DPY19L1: variants seen among roughly 807,000 people sequenced by gnomAD.
The protein encoded by DPY19L1 is protein C-mannosyl-transferase DPY19L1.
A neutral mutation model predicts 96.9 loss-of-function variants in DPY19L1; 35 were observed. That is an observed-to-expected ratio of 0.36 (90% CI 0.28 to 0.48). The LOEUF (loss-of-function observed/expected upper bound fraction) is 0.48. Ranked by LOEUF, DPY19L1 falls within the 20% of genes least tolerant of loss-of-function variation. The pLI is 0.99. For missense variants in DPY19L1, 521 were observed against 777.9 expected (o/e 0.67, Z 3.93); for synonymous variants, 205 against 252.6 (o/e 0.81, Z 1.79).
At chr7:34,991,482 G>A (rs1052577024) in intron 6 of DPY19L1, among the ~76,000 whole-genome samples, 1 of 152,134 alleles carries the variant, frequency 6.6e-6, no homozygotes, top group Non-Finnish European at 1.5e-5. Context: ...TGGACGCCAG[G>A]GTTCTCTCCT....
At chr7:34,933,841 T>G (rs1331025103) in intron 21 of DPY19L1, among the ~76,000 whole-genome samples, 1 of 152,180 alleles carries the variant, frequency 6.6e-6, no homozygotes, top group Non-Finnish European at 1.5e-5. Context: ...TTCCCTACTT[T>G]TGAAGTTTTG....
chr7:34,996,765 C>G (rs996015699), intron 6 of DPY19L1, among the ~76,000 whole-genome samples: 2 of 152,186 alleles, frequency 1.3e-5, no homozygotes, highest in African/African-American at 4.8e-5. Flanking sequence ...CTCGCAGGAT[C>G]TGGCCCCTGC....
At chr7:34,992,541 GC>G in intron 6 of DPY19L1, among the ~76,000 whole-genome samples, 1 of 123,472 alleles carries the variant, frequency 8.1e-6, no homozygotes. Flanking sequence ...AAACCTTCCT[GC>G]CTTTTTTTTT....
chr7:34,951,150 T>C (rs1584211542), intron 13 of DPY19L1, among the ~76,000 whole-genome samples: 4 of 152,166 alleles, frequency 2.6e-5, no homozygotes, highest in African/African-American at 9.6e-5. Context: ...GTTAAAAATA[T>C]GGATTCAAAG....
intron 1 of DPY19L1, among the ~76,000 whole-genome samples, chr7:35,036,409 CTTTG>C (rs1043589830): frequency 3.3e-5 from 5 of 151,756 alleles, no homozygotes; most frequent in African/African-American, 4.8e-5. Flanking sequence ...AATGCGTCAA[CTTTG>C]TTTTTTTTTT....
chr7:35,015,346 C>T (rs1480178944), intron 3 of DPY19L1, among the ~76,000 whole-genome samples: 1 of 152,318 alleles, frequency 6.6e-6, no homozygotes, highest in Non-Finnish European at 1.5e-5. Context: ...AGCCCAGGAA[C>T]TTGGCAGGAC....
intron 3 of DPY19L1, among the ~76,000 whole-genome samples, chr7:35,014,579 C>CA (rs935571948): frequency 6.6e-6 from 1 of 152,024 alleles, no homozygotes; most frequent in East Asian, 1.9e-4. Context: ...CTCACAAATA[C>CA]AAAAGAGATA....
chr7:34,952,947 T>C (rs888152981), intron 13 of DPY19L1, among the ~76,000 whole-genome samples: 1 of 152,158 alleles, frequency 6.6e-6, no homozygotes. Context: ...CATTTTTACC[T>C]AGGTTGCTCC....
Position 34,945,614 on chromosome 7 carries a change from T to C in DPY19L1, c.1544+53A>G, listed in dbSNP as rs541557520. On this transcript the variant is annotated intron_variant, in intron 16 of 21. Transcript: ENST00000638088. ...GTATACAATTAATACACTGTAAATA[T>C]CTATTTAATAAATGAACAGAGGAGG... is the stretch of plus-strand genomic sequence containing the variant. 22 of 1,218,916 alleles carry C rather than the reference T, an allele frequency of 1.8e-5. 1 individual carries two copies. The South Asian group carries it at 2.9e-4, about 16-fold the overall frequency. 75.5% of individuals were successfully genotyped at this position (1,218,916 alleles called of 1,614,324 possible).
At chr7:34,957,915 G>T in intron 11 of DPY19L1, 69 bp downstream of exon 11, 2 of 998,656 alleles carry the variant, frequency 2.0e-6, no homozygotes, top group Non-Finnish European at 3.0e-6. Context: ...TGAATCCTAA[G>T]CCAGTGAAGA....
At chr7:34,982,504 G>A (rs1034064906) in intron 7 of DPY19L1, among the ~76,000 whole-genome samples, 1 of 152,116 alleles carries the variant, frequency 6.6e-6, no homozygotes, top group Non-Finnish European at 1.5e-5. Flanking sequence ...AAAAGCCGGA[G>A]AAAAAACAGT....
In DPY19L1 at chr7:35,017,518, A is replaced by AAAAAAAAAAC. The variant is rs58385351; in HGVS notation, c.411+363_411+364insGTTTTTTTTT. The stretch of plus-strand genomic sequence containing the variant: ...CTCCGTCTCAAAAAAAAAAAAAAAA[A>AAAAAAAAAAC]AAAATTAGCCGGGCATGGTGGCAGG... On this transcript the variant is annotated intron_variant, in intron 3 of 21. Coordinates refer to ENST00000638088, the MANE Select transcript of DPY19L1 (RefSeq NM_001366673.1). 1.5e-3 allele frequency among the ~76,000 whole-genome samples: 133 copies of AAAAAAAAAAC among 91,338 alleles called. 13 individuals are homozygous for AAAAAAAAAAC. The highest frequency in any genetic ancestry group is 1.8e-3 in the Non-Finnish European group (76 of 41,550). The allele number at this position is 91,338 out of a possible 152,430, so 59.9% of individuals were successfully genotyped here. A position where few individuals can be genotyped will look rare whatever the true frequency, so the allele number is the denominator to read the frequency against.
At chr7:35,010,046 T>C (rs140752794) in intron 6 of DPY19L1, among the ~76,000 whole-genome samples, 4 of 152,112 alleles carry the variant, frequency 2.6e-5, no homozygotes, top group East Asian at 1.9e-4. Flanking sequence ...CTGGGCAACA[T>C]AGCAAACCCT....
At chr7:34,938,342 A>G (rs1018344341) in intron 20 of DPY19L1, among the ~76,000 whole-genome samples, 3 of 152,186 alleles carry the variant, frequency 2.0e-5, no homozygotes, top group Admixed American at 2.0e-4. Context: ...ACACCCCTAC[A>G]TTCCCAAACT....
chr7:35,029,250 TTTC>T (rs1038536459), intron 1 of DPY19L1, among the ~76,000 whole-genome samples: 3 of 152,228 alleles, frequency 2.0e-5, no homozygotes, highest in African/African-American at 2.4e-5. Flanking sequence ...ATAAAGTAAC[TTTC>T]TTCTTATTAA....
intron 13 of DPY19L1, among the ~76,000 whole-genome samples, chr7:34,950,241 C>T (rs1784242464): frequency 6.6e-6 from 1 of 152,174 alleles, no homozygotes. Flanking sequence ...TGGGAACACA[C>T]ACAGACTTCT....
chr7:34,937,698 C>G (rs1783899859), intron 21 of DPY19L1, among the ~76,000 whole-genome samples: 1 of 152,104 alleles, frequency 6.6e-6, no homozygotes. Context: ...CTTTGGGAGG[C>G]CAAGGCAGGA....
chr7:35,028,098 A>G (rs1205477622), intron 1 of DPY19L1, among the ~76,000 whole-genome samples: 1 of 152,210 alleles, frequency 6.6e-6, no homozygotes, highest in Admixed American at 6.5e-5. Context: ...ATATTAAGCA[A>G]AAATGATCTA....
rs373999014 is a variant in DPY19L1, at chr7:35,011,345, T to C, written c.655A>G (p.Ile219Val). 4.0e-5 allele frequency: 65 copies of C among 1,612,678 alleles called. No individual in the cohort carries two copies. The highest frequency in any genetic ancestry group is 1.8e-4 in the East Asian group (8 of 44,858). Residue 219 changes from isoleucine (I) to valine (V), a missense_variant, in exon 5 of 22, where the codon ATT (isoleucine) becomes GTT (valine). By Grantham distance (29) the Ile-to-Val change is conservative (BLOSUM62 3). Transcript: ENST00000638088. ...AGAAACTTACCTTCACAGCTTTCAA[T>C]AGGACTGAGTCCTTCTCCTCTGGTA... is the stretch of plus-strand genomic sequence containing the variant. Reference protein sequence around the residue: ...TVTRGEGLSPIESCEGLGDPA... With the variant: ...TVTRGEGLSPVESCEGLGDPA...
Sources: gnomAD v4.1 joint callset for allele counts (sites outside exome capture counted in the v4.1 genomes callset) on GRCh38, gnomAD v4.1.1 for gene constraint, MANE v1.5 for transcripts, NCBI Gene and HGNC (gene_info 2026-07-23, HGNC 2026-07-21) for gene names.